SLC25A4: variants seen among roughly 807,000 people sequenced by gnomAD.
SLC25A4 encodes solute carrier family 25 member 4, also known as ADP/ATP translocase 1.
SLC25A4 carries 10 observed loss-of-function variants against 24.7 expected under a neutral mutation model. That is an observed-to-expected ratio of 0.41 (90% CI 0.25 to 0.69). The LOEUF (loss-of-function observed/expected upper bound fraction) is 0.69, where lower values mean the gene tolerates loss of function less well. Ranked by LOEUF, SLC25A4 falls within the 30% of genes least tolerant of loss-of-function variation. SLC25A4 has a pLI of 0.35. For missense variants in SLC25A4, 273 were observed against 387.6 expected (o/e 0.70, Z 2.48); for synonymous variants, 125 against 153.3 (o/e 0.82, Z 1.36).
chr4:185,146,999 T>A lies in SLC25A4; in HGVS notation c.*28T>A. 6.3e-7 allele frequency: 1 copy of A among 1,592,692 alleles called. No individual in the cohort carries two copies. Among genetic ancestry groups the A allele is most frequent in the South Asian group, 1.1e-5 (1 of 90,306 alleles). On this transcript the variant is annotated 3_prime_UTR_variant, in exon 4 of 4. Coordinates refer to ENST00000281456, the MANE Select transcript of SLC25A4 (RefSeq NM_001151.4). ...TAATTAAAACACAAGTTCACAGATT[T>A]ACAGTGAACTTGATCTACAAGTTCA...
Position 185,146,848 on chromosome 4 carries a change from G to C in SLC25A4, c.774G>C (p.Trp258Cys). 6.2e-7 allele frequency: 1 copy of C among 1,614,246 alleles called. No individual in the cohort carries two copies. The highest frequency in any genetic ancestry group is 1.1e-5 in the South Asian group (1 of 91,084). Residue 258 changes from tryptophan to cysteine, a missense_variant, in exon 4 of 4, where the codon TGG becomes TGC. Coordinates refer to ENST00000281456, the MANE Select transcript of SLC25A4 (RefSeq NM_001151.4). ...TGTACACGGGGACAGTTGACTGCTGGAGGAAGATTGCAAAAGACGAAGGAG... is the reference window on the plus strand; with the variant it reads ...TGTACACGGGGACAGTTGACTGCTGCAGGAAGATTGCAAAAGACGAAGGAG... ...DIMYTGTVDC[W>C]RKIAKDEGAK...
At chr4:185,146,032 G>T in intron 3 of SLC25A4, 133 bp downstream of exon 3, 1 of 1,066,414 alleles carries the variant, frequency 9.4e-7, no homozygotes, top group South Asian at 1.4e-5. Context: ...GAAGAAAGAT[G>T]GTATTAATTC....
intron 1 of SLC25A4, among the ~76,000 whole-genome samples, chr4:185,144,477 T>A (rs1428946734): frequency 6.6e-6 from 1 of 152,104 alleles, no homozygotes; most frequent in East Asian, 1.9e-4. Flanking sequence ...AATAAATAAA[T>A]GGCTATAGCT....
In SLC25A4 at chr4:185,149,589, C is replaced by G. The variant is rs1271807284; in HGVS notation, c.*2618C>G. On this transcript the variant is annotated 3_prime_UTR_variant, in exon 4 of 4. Transcript: ENST00000281456. ...GGGAGAACAGGCAGTACTTCCCTCA[C>G]TAACCTACCCGCACGCCATACCATC... The G allele has an allele frequency of 2.6e-5, 4 of 152,234 alleles. No individual in the cohort carries two copies. Among genetic ancestry groups the G allele is most frequent in the Non-Finnish European group, 4.4e-5 (3 of 68,058 alleles). The allele number at this position is 152,234 out of a possible 1,614,324, so 9.4% of individuals were successfully genotyped here. A position where few individuals can be genotyped will look rare whatever the true frequency, so the allele number is the denominator to read the frequency against.
In SLC25A4 at chr4:185,145,238, G is replaced by C; in HGVS notation, c.586G>C (p.Asp196His). Residue 196 changes from aspartate to histidine, a missense_variant, in exon 2 of 4, where the codon GAT (aspartate) becomes CAT (histidine). Transcript: ENST00000281456. The surrounding 1 kb of genome is among the most constrained non-coding windows in gnomAD (Gnocchi z 5.5). ...TAGAGCTGCCTACTTCGGAGTCTAT[G>C]ATACTGCCAAGGGTGAGAGAGGGGC... Reference protein sequence around the residue: ...IYRAAYFGVYDTAKGMLPDPK... With the variant: ...IYRAAYFGVYHTAKGMLPDPK... 1 of 1,614,074 alleles carries C rather than the reference G, an allele frequency of 6.2e-7. No individual in the cohort carries two copies. The highest frequency in any genetic ancestry group is 8.5e-7 in the Non-Finnish European group (1 of 1,180,034).
In SLC25A4 at chr4:185,147,034, T is replaced by C. The variant is rs1734454133; in HGVS notation, c.*63T>C. 1.3e-6 allele frequency: 2 copies of C among 1,491,846 alleles called. No individual in the cohort carries two copies. The highest frequency in any genetic ancestry group is 1.9e-6 in the Non-Finnish European group (2 of 1,076,892). The allele number at this position is 1,491,846 out of a possible 1,614,324, so 92.4% of individuals were successfully genotyped here. A position where few individuals can be genotyped will look rare whatever the true frequency, so the allele number is the denominator to read the frequency against. On this transcript the variant is annotated 3_prime_UTR_variant, in exon 4 of 4. Transcript: ENST00000281456. ...TTGATCTACAAGTTCACAGATCCAT[T>C]GTGTGGTTTAATAGACTATTCCTAG...
Position 185,143,415 on chromosome 4 carries a change from G to C in SLC25A4, c.43G>C (p.Gly15Arg). The C allele has an allele frequency of 2.0e-6, 3 of 1,525,150 alleles. No individual in the cohort carries two copies. Among genetic ancestry groups the C allele is most frequent in the Non-Finnish European group, 2.6e-6 (3 of 1,133,524 alleles). 94.5% of individuals were successfully genotyped at this position (1,525,150 alleles called of 1,614,324 possible). The change falls in exon 1 of 4, where the codon GGG becomes CGG. Residue 15 changes from glycine to arginine, a missense_variant. By Grantham distance (125) the Gly-to-Arg change is moderately radical (BLOSUM62 -2). Coordinates refer to ENST00000281456, the MANE Select transcript of SLC25A4 (RefSeq NM_001151.4). The part of the protein sequence containing the change: ...AWSFLKDFLA[G>R]GVAAAVSKTA... The stretch of plus-strand genomic sequence containing the variant: ...GAGCTTCCTAAAGGACTTCCTGGCC[G>C]GGGGCGTCGCCGCTGCCGTCTCCAA...
Position 185,148,577 on chromosome 4 carries a change from A to T in SLC25A4, c.*1606A>T, listed in dbSNP as rs1293492942. On this transcript the variant is annotated 3_prime_UTR_variant, in exon 4 of 4. Coordinates refer to ENST00000281456, the MANE Select transcript of SLC25A4 (RefSeq NM_001151.4). ...GAGATGGAGGCTTTGAAAGAAAATAACCAGATTTAGAAACATGGGTATAGA... is the reference window on the plus strand; with the variant it reads ...GAGATGGAGGCTTTGAAAGAAAATATCCAGATTTAGAAACATGGGTATAGA... 1 of 152,126 alleles carries T rather than the reference A, an allele frequency of 6.6e-6. No individual in the cohort carries two copies. The highest frequency in any genetic ancestry group is 2.4e-5 in the African/African-American group (1 of 41,418). The allele number at this position is 152,126 out of a possible 1,614,324, so 9.4% of individuals were successfully genotyped here.
At position 185,148,668 on chromosome 4, in the gene SLC25A4, C is replaced by T. The variant is rs1280515477; in HGVS notation, c.*1697C>T. 6.6e-6 allele frequency: 1 copy of T among 152,104 alleles called. No homozygotes were observed. The highest frequency in any genetic ancestry group is 1.5e-5 in the Non-Finnish European group (1 of 68,032). 9.4% of individuals were successfully genotyped at this position (152,104 alleles called of 1,614,324 possible). ...ACAGGAAGTCAGTTTTGGATTTGCT[C>T]CTCCGAGATTTGCGAGCCAGAGGAA... On this transcript the variant is annotated 3_prime_UTR_variant, in exon 4 of 4. Coordinates refer to ENST00000281456, the MANE Select transcript of SLC25A4 (RefSeq NM_001151.4).
chr4:185,146,048 A>G (rs1734436545), intron 3 of SLC25A4, 149 bp downstream of exon 3: 1 of 902,170 alleles, frequency 1.1e-6, no homozygotes, highest in Non-Finnish European at 1.7e-6. Context: ...AATTCCCCCT[A>G]ACGTTCTCAA....
At position 185,143,420 on chromosome 4, in the gene SLC25A4, C is replaced by A; in HGVS notation, c.48C>A (p.Gly16=). 6.6e-7 allele frequency: 1 copy of A among 1,525,450 alleles called. No individual in the cohort carries two copies. The highest frequency in any genetic ancestry group is 1.2e-5 in the South Asian group (1 of 81,580). 94.5% of individuals were successfully genotyped at this position (1,525,450 alleles called of 1,614,324 possible). Residue 16 remains glycine (G), a synonymous_variant, in exon 1 of 4, where the codon GGC becomes GGA. Coordinates refer to ENST00000281456, the MANE Select transcript of SLC25A4 (RefSeq NM_001151.4). ...WSFLKDFLAG[G]VAAAVSKTAV... is the part of the protein sequence containing the mutation. Reference sequence around the variant, plus strand: ...TCCTAAAGGACTTCCTGGCCGGGGGCGTCGCCGCTGCCGTCTCCAAGACCG... The same window carrying A: ...TCCTAAAGGACTTCCTGGCCGGGGGAGTCGCCGCTGCCGTCTCCAAGACCG...
rs759840559 is a variant in SLC25A4, at chr4:185,150,137, G to A, written c.*3166G>A. 1 of 152,278 alleles carries A rather than the reference G, an allele frequency of 6.6e-6. No individual in the cohort carries two copies. Among genetic ancestry groups the A allele is most frequent in the Admixed American group, 6.5e-5 (1 of 15,292 alleles). 9.4% of individuals were successfully genotyped at this position (152,278 alleles called of 1,614,324 possible). On this transcript the variant is annotated 3_prime_UTR_variant, in exon 4 of 4. Transcript: ENST00000281456. ...CACACCTGGTACAGTGCCCAGGACA[G>A]AGAAGGTGTTTAGCAAGTTTCTGCT...
chr4:185,144,677 A>C, intron 1 of SLC25A4, 87 bp from the exon 2 acceptor site: 3 of 1,300,136 alleles, frequency 2.3e-6, no homozygotes. Context: ...AAAAAAATCT[A>C]GGAAGTGCAA....
At chr4:185,143,988 T>C (rs576931928) in intron 1 of SLC25A4, among the ~76,000 whole-genome samples, 1 of 152,344 alleles carries the variant, frequency 6.6e-6, no homozygotes, top group South Asian at 2.1e-4. Flanking sequence ...ATTTTACAGA[T>C]GAAGCTGAGG....
In SLC25A4 at chr4:185,145,667, G is replaced by C; in HGVS notation, c.599-92G>C. On this transcript the variant is annotated intron_variant, in intron 2 of 3. Coordinates refer to ENST00000281456, the MANE Select transcript of SLC25A4 (RefSeq NM_001151.4). The surrounding 1 kb of genome is among the most constrained non-coding windows in gnomAD (Gnocchi z 5.5). Reference sequence around the variant, plus strand: ...AGGTTCCCCGCAAGGTCAGAGCATGGAGCTGGAGGTGCAGTGGCCTCTCTC... The same window carrying C: ...AGGTTCCCCGCAAGGTCAGAGCATGCAGCTGGAGGTGCAGTGGCCTCTCTC... 2.7e-6 allele frequency: 4 copies of C among 1,498,826 alleles called. No homozygotes were observed. The South Asian group carries it at 4.8e-5, about 18-fold the overall frequency. 92.8% of individuals were successfully genotyped at this position (1,498,826 alleles called of 1,614,324 possible). A position where few individuals can be genotyped will look rare whatever the true frequency, so the allele number is the denominator to read the frequency against.
chr4:185,145,723 C>T lies in SLC25A4; in HGVS notation c.599-36C>T. On this transcript the variant is annotated intron_variant, in intron 2 of 3. Transcript: ENST00000281456. The surrounding 1 kb of genome is among the most constrained non-coding windows in gnomAD (Gnocchi z 5.5). The stretch of plus-strand genomic sequence containing the variant: ...ACCTGCTTTCTGCTGAGAACAGGCA[C>T]TTCATAGCCGTTCGGCTTCTGGGCT... 6.2e-7 allele frequency: 1 copy of T among 1,613,902 alleles called. No individual in the cohort carries two copies. Among genetic ancestry groups the T allele is most frequent in the Non-Finnish European group, 8.5e-7 (1 of 1,179,790 alleles).
Position 185,144,786 on chromosome 4 carries a change from T to A in SLC25A4, c.134T>A (p.Ile45Asn). 6.2e-7 allele frequency: 1 copy of A among 1,613,778 alleles called. No individual in the cohort carries two copies. The highest frequency in any genetic ancestry group is 8.5e-7 in the Non-Finnish European group (1 of 1,179,974). ...CAGGTCCAGCATGCCAGCAAACAGA[T>A]CAGTGCTGAGAAGCAGTACAAAGGG... ...LLQVQHASKQ[I>N]SAEKQYKGII... The change falls in exon 2 of 4, where the codon ATC becomes AAC. Residue 45 changes from isoleucine (I) to asparagine (N), a missense_variant. By Grantham distance (149) the Ile-to-Asn change is moderately radical (BLOSUM62 -3). Transcript: ENST00000281456.
chr4:185,149,780 C>T lies in SLC25A4; in HGVS notation c.*2809C>T, dbSNP rs1474276080. The T allele has an allele frequency of 6.6e-6, 1 of 152,254 alleles. No homozygotes were observed. The highest frequency in any genetic ancestry group is 1.5e-5 in the Non-Finnish European group (1 of 68,072). 9.4% of individuals were successfully genotyped at this position (152,254 alleles called of 1,614,324 possible). ...CCTCCTTCACCACCACCACCCCCAC[C>T]CCAATCACCTTTAGGTATTTTCTCC... is the stretch of plus-strand genomic sequence containing the variant. On this transcript the variant is annotated 3_prime_UTR_variant, in exon 4 of 4. Transcript: ENST00000281456.
At chr4:185,144,726 C>G in intron 1 of SLC25A4, 38 bp from the exon 2 acceptor site, 1 of 1,605,790 alleles carries the variant, frequency 6.2e-7, no homozygotes, top group Non-Finnish European at 8.5e-7. Context: ...TTCTCTCTAC[C>G]CTGCCTGTCC....
Sources: gnomAD v4.1 joint callset for allele counts (sites outside exome capture counted in the v4.1 genomes callset) on GRCh38, gnomAD v4.1.1 for gene constraint, Gnocchi (gnomAD v3.1) non-coding constraint, MANE v1.5 for transcripts, NCBI Gene and HGNC (gene_info 2026-07-23, HGNC 2026-07-21) for gene names.